The following FRMD4A variants were observed in gnomAD, a reference collection of about 807,000 sequenced individuals.
FRMD4A encodes FERM domain-containing protein 4A.
A neutral mutation model predicts 129.1 loss-of-function variants in FRMD4A; 29 were observed. That is an observed-to-expected ratio of 0.22 (90% CI 0.17 to 0.31). The LOEUF (loss-of-function observed/expected upper bound fraction) is 0.31. Among genes scored for constraint, FRMD4A ranks in the 10% least tolerant of loss-of-function variants. The probability of loss-of-function intolerance (pLI) is 1.00; values close to 1 mark genes in which losing one functional copy is unlikely to be tolerated. For synonymous variants in FRMD4A, 634 were observed against 571.6 expected (o/e 1.11, Z -1.56); for missense variants, 1,272 against 1,375.8 (o/e 0.92, Z 1.19).
At chr10:13,654,743 C>A in intron 22 of FRMD4A, 1 of 555,270 alleles carries the variant, frequency 1.8e-6, no homozygotes. Flanking sequence ...ATTTTCTACC[C>A]ACTACCATGC....
At chr10:14,023,037 A>T (rs1254919091) in intron 2 of FRMD4A, among the ~76,000 whole-genome samples, 1 of 152,078 alleles carries the variant, frequency 6.6e-6, no homozygotes, top group Non-Finnish European at 1.5e-5. Flanking sequence ...CCACCATCCC[A>T]GGCAGTGGCA....
chr10:13,888,938 T>TA (rs774715641), intron 2 of FRMD4A, among the ~76,000 whole-genome samples: 1 of 152,262 alleles, frequency 6.6e-6, no homozygotes, highest in Non-Finnish European at 1.5e-5. Flanking sequence ...CTTTAGATTG[T>TA]AAATTGCTCC....
chr10:14,268,577 T>C (rs781310910), intron 2 of FRMD4A, among the ~76,000 whole-genome samples: 1 of 152,258 alleles, frequency 6.6e-6, no homozygotes, highest in Non-Finnish European at 1.5e-5. Context: ...CTTCACATGC[T>C]ACCTACCTGC....
Position 14,261,874 on chromosome 10 carries a change from C to T in FRMD4A, c.45+68184G>A, listed in dbSNP as rs536472275. ...CTTTGGTGCCAATCTGTGTCTAAAACGTAATAACTTAGGTGCTCCAACCCA... is the reference window on the plus strand; with the variant it reads ...CTTTGGTGCCAATCTGTGTCTAAAATGTAATAACTTAGGTGCTCCAACCCA... On this transcript the variant is annotated intron_variant, in intron 2 of 24. Coordinates refer to ENST00000357447, the MANE Select transcript of FRMD4A (RefSeq NM_018027.5). 1.2e-3 allele frequency among the ~76,000 whole-genome samples: 187 copies of T among 151,154 alleles called. 1 individual carries two copies. The highest frequency in any genetic ancestry group is 4.2e-3 in the African/African-American group (172 of 41,234).
intron 4 of FRMD4A, among the ~76,000 whole-genome samples, chr10:13,797,421 GA>G (rs1233561426): frequency 2.0e-5 from 3 of 152,084 alleles, no homozygotes; most frequent in African/African-American, 7.2e-5. Flanking sequence ...CCTCAGAGGG[GA>G]ACCACTTTCC....
chr10:13,804,662 A>T (rs893522426), intron 4 of FRMD4A, among the ~76,000 whole-genome samples: 1 of 151,112 alleles, frequency 6.6e-6, no homozygotes, highest in African/African-American at 2.4e-5. Flanking sequence ...CTCCTGCCTC[A>T]GCCTCCCAAC....
At chr10:13,779,365 A>G (rs1040426350) in intron 6 of FRMD4A, among the ~76,000 whole-genome samples, 2 of 152,180 alleles carry the variant, frequency 1.3e-5, no homozygotes, top group African/African-American at 4.8e-5. Context: ...ATGTTCTGAC[A>G]ACCAAGAGAA....
chr10:14,060,924 T>C (rs1397345690), intron 2 of FRMD4A, among the ~76,000 whole-genome samples: 3 of 152,148 alleles, frequency 2.0e-5, no homozygotes, highest in African/African-American at 4.8e-5. Flanking sequence ...GTAATGTTAA[T>C]AGACTGACTC....
At chr10:14,008,081 C>T (rs1452983623) in intron 2 of FRMD4A, 6 of 1,303,472 alleles carry the variant, frequency 4.6e-6, no homozygotes, top group Non-Finnish European at 6.1e-6. Context: ...TGCGCCTTCT[C>T]AGAGATCCAT....
intron 4 of FRMD4A, among the ~76,000 whole-genome samples, chr10:13,807,242 T>C (rs2093371138): frequency 6.6e-6 from 1 of 152,232 alleles, no homozygotes; most frequent in South Asian, 2.1e-4. Context: ...TGTATCTCTT[T>C]TTCTGAGGAC....
At chr10:13,762,732 T>G in intron 6 of FRMD4A, 52 bp from the exon 7 acceptor site, 2 of 1,181,688 alleles carry the variant, frequency 1.7e-6, no homozygotes, top group South Asian at 2.5e-5. Flanking sequence ...AACCACCATT[T>G]TTTTCTTTTA....
chr10:13,708,283 G>C (rs2087675195), intron 12 of FRMD4A, among the ~76,000 whole-genome samples: 1 of 152,144 alleles, frequency 6.6e-6, no homozygotes, highest in African/African-American at 2.4e-5. Context: ...TTAGAGACGT[G>C]ATGGCCATTT....
intron 2 of FRMD4A, among the ~76,000 whole-genome samples, chr10:14,103,503 T>G (rs1837418015): frequency 6.6e-6 from 1 of 152,186 alleles, no homozygotes; most frequent in South Asian, 2.1e-4. Context: ...ACTACAGAAC[T>G]TCCAAAACAG....
At chr10:14,165,523 A>G (rs1032545151) in intron 2 of FRMD4A, among the ~76,000 whole-genome samples, 1 of 152,204 alleles carries the variant, frequency 6.6e-6, no homozygotes, top group Non-Finnish European at 1.5e-5. Flanking sequence ...CATATACCCA[A>G]AGGAAAAGAA....
At chr10:13,766,295 C>T (rs1481088146) in intron 6 of FRMD4A, among the ~76,000 whole-genome samples, 1 of 152,154 alleles carries the variant, frequency 6.6e-6, no homozygotes, top group Non-Finnish European at 1.5e-5. Flanking sequence ...TAGTTGTTCT[C>T]GGGTTAAGTG....
intron 6 of FRMD4A, among the ~76,000 whole-genome samples, chr10:13,776,953 G>A (rs1296301170): frequency 6.6e-6 from 1 of 152,248 alleles, no homozygotes; most frequent in Non-Finnish European, 1.5e-5. Flanking sequence ...CACATGCCTG[G>A]CATGGGACTA....
chr10:14,096,029 T>C (rs789758), intron 2 of FRMD4A, among the ~76,000 whole-genome samples: 5,577 of 152,284 alleles, frequency 0.037, 355 homozygotes, highest in African/African-American at 0.13. Context: ...CATCCTGTTC[T>C]TGGGGAAAAA....
intron 2 of FRMD4A, among the ~76,000 whole-genome samples, chr10:14,162,641 G>GT (rs71388160): frequency 0.025 from 2,928 of 118,262 alleles, 46 homozygotes; most frequent in African/African-American, 0.041. Context: ...TTTTTTTTTT[G>GT]TTTTTTTTTT....
At chr10:14,186,814 G>A (rs1236025307) in intron 2 of FRMD4A, among the ~76,000 whole-genome samples, 1 of 152,112 alleles carries the variant, frequency 6.6e-6, no homozygotes, top group African/African-American at 2.4e-5. Context: ...GACACAAGTT[G>A]TACCCTTAAG....
Sources: allele counts gnomAD v4.1 joint callset (sites outside exome capture counted in the v4.1 genomes callset), GRCh38; gene constraint gnomAD v4.1.1; transcripts MANE v1.5; gene names NCBI Gene and HGNC (gene_info 2026-07-23, HGNC 2026-07-21).